The following CFB variants were observed in gnomAD, a reference collection of about 807,000 sequenced individuals.
CFB encodes B-factor, properdin.
Under a neutral mutation model 97.2 loss-of-function variants are expected in CFB, and 59 were observed. That is an observed-to-expected ratio of 0.61 (90% CI 0.49 to 0.75). The LOEUF is 0.75. Ranked by LOEUF, CFB falls within the 30% of genes least tolerant of loss-of-function variation. CFB has a pLI of 0.00. For missense variants in CFB, 771 were observed against 959.8 expected, an observed-to-expected ratio of 0.80 and a Z score of 2.60; for synonymous variants, 316 against 351.7, an observed-to-expected ratio of 0.90 and a Z score of 1.14.
chr6:31,951,501 C>T lies in CFB; in HGVS notation c.2089+28C>T. On this transcript the variant is annotated intron_variant, in intron 16 of 17. Coordinates refer to ENST00000425368, the MANE Select transcript of CFB (RefSeq NM_001710.6). This position sits in a 1 kb window ranked among gnomAD's most constrained non-coding sequence, Gnocchi z 4.3. Reference sequence around the variant, plus strand: ...GAGAGAATGCTCTTTGGTTGTGCTACAAGTGCCCAAGGCCCAACAGTCCTT... The same window carrying T: ...GAGAGAATGCTCTTTGGTTGTGCTATAAGTGCCCAAGGCCCAACAGTCCTT... 1.2e-6 allele frequency: 2 copies of T among 1,614,230 alleles called. No homozygotes were observed. Among genetic ancestry groups the T allele is most frequent in the Non-Finnish European group, 1.7e-6 (2 of 1,180,040 alleles).
rs1196164176 is a variant in CFB, at chr6:31,947,054, C to T, written c.346C>T (p.Pro116Ser). 3.7e-6 allele frequency: 6 copies of T among 1,612,890 alleles called. No homozygotes were observed. The highest frequency in any genetic ancestry group is 2.7e-5 in the African/African-American group (2 of 74,886). The change falls in exon 3 of 18, where the codon CCC (proline) becomes TCC (serine). Residue 116 changes from proline to serine, a missense_variant. By Grantham distance (74) the Pro-to-Ser change is moderately conservative. Transcript: ENST00000425368. The surrounding 1 kb of genome is among the most constrained non-coding windows in gnomAD (Gnocchi z 5.3). The stretch of plus-strand genomic sequence containing the variant: ...CGACTTCGAGAACGGGGAATACTGG[C>T]CCCGGTCTCCCTACTACAATGTGAG... The part of the protein sequence containing the change: ...PHDFENGEYW[P>S]RSPYYNVSDE...
rs921384507 is a variant in CFB at position 31,950,679 on chromosome 6, A to G, written c.1685A>G (p.Asn562Ser). The change falls in exon 13 of 18, where the codon AAT becomes AGT. Residue 562 changes from asparagine (N) to serine (S), a missense_variant. Transcript: ENST00000425368. ...VVLFHPNYNI[N>S]GKKEAGIPEF... ...CTATTTCACCCCAACTACAACATTA[A>G]TGGGAAAAAAGAAGCAGGAATTCCT... is the stretch of plus-strand genomic sequence containing the variant. 3 of 1,612,956 alleles carry G rather than the reference A, an allele frequency of 1.9e-6. No individual in the cohort carries two copies. In the African/African-American group the frequency reaches 4.0e-5, roughly 22 times the overall value.
rs759625235 is a variant in CFB, at chr6:31,947,014, C to T, written c.306C>T (p.His102=). The T allele has an allele frequency of 1.6e-5, 26 of 1,612,900 alleles. No individual in the cohort carries two copies. Among genetic ancestry groups the T allele is most frequent in the Admixed American group, 1.7e-5 (1 of 60,008 alleles). The change falls in exon 3 of 18, where the codon CAC becomes CAT. Residue 102 remains histidine, a synonymous_variant. Transcript: ENST00000425368. The surrounding 1 kb of genome is among the most constrained non-coding windows in gnomAD (Gnocchi z 5.3). Reference sequence around the variant, plus strand: ...TGTCCCCCCTTCTCAAAGCAATCCACTGTCCAAGACCACACGACTTCGAGA... The same window carrying T: ...TGTCCCCCCTTCTCAAAGCAATCCATTGTCCAAGACCACACGACTTCGAGA... ...TVRKAECRAI[H]CPRPHDFENG... is the part of the protein sequence containing the mutation.
At chr6:31,948,347 A>G (rs1487994367) in intron 6 of CFB, 27 bp from the exon 7 acceptor site, 11 of 1,614,102 alleles carry the variant, frequency 6.8e-6, no homozygotes, top group Non-Finnish European at 8.5e-6. Context: ...TTTCAATGCC[A>G]TGGCGCCTTG....
In CFB at chr6:31,947,811, A is replaced by T. The variant is rs758028930; in HGVS notation, c.728A>T (p.Glu243Val). The T allele has an allele frequency of 6.2e-7, 1 of 1,613,722 alleles. No homozygotes were observed. Among genetic ancestry groups the T allele is most frequent in the Non-Finnish European group, 8.5e-7 (1 of 1,180,024 alleles). The change falls in exon 5 of 18, where the codon GAA becomes GTA. Residue 243 changes from glutamate to valine, a missense_variant. By Grantham distance (121) the Glu-to-Val change is moderately radical. Transcript: ENST00000425368. This position sits in a 1 kb window ranked among gnomAD's most constrained non-coding sequence, Gnocchi z 5.3. ...AFLSSLTETIEGVDAEDGHGP... is the reference protein window; with the variant it reads ...AFLSSLTETIVGVDAEDGHGP... The stretch of plus-strand genomic sequence containing the variant: ...CTGTCTTCCCTGACAGAGACCATAG[A>T]AGGAGTCGATGCTGAGGATGGGCAC...
chr6:31,951,565 C>T lies in CFB; in HGVS notation c.2100C>T (p.Gly700=), dbSNP rs116928087. Residue 700 remains glycine, a synonymous_variant, in exon 17 of 18, where the codon GGC becomes GGT. Coordinates refer to ENST00000425368, the MANE Select transcript of CFB (RefSeq NM_001710.6). This position sits in a 1 kb window ranked among gnomAD's most constrained non-coding sequence, Gnocchi z 4.3. ...CTCCTCTCCTTGCAGGTGATTCTGG[C>T]GGCCCCTTGATAGTTCACAAGAGAA... The part of the protein sequence containing the change: ...ADPNTCRGDS[G]GPLIVHKRSR... The T allele has an allele frequency of 3.6e-4, 574 of 1,614,190 alleles. 2 individuals carry two copies. In the East Asian group the frequency reaches 0.012, roughly 34 times the overall value.
In CFB at chr6:31,950,613, C is replaced by A. The variant is rs781302176; in HGVS notation, c.1625-6C>A. 1.8e-5 allele frequency: 29 copies of A among 1,612,970 alleles called. No homozygotes were observed. The highest frequency in any genetic ancestry group is 2.3e-5 in the Non-Finnish European group (27 of 1,180,012). The stretch of plus-strand genomic sequence containing the variant: ...CAAAGAGGTGGTACCTACTCTCCTA[C>A]TTCAGGAGGGGAGAAGCGGGACCTG... On this transcript the variant is annotated splice_polypyrimidine_tract_variant and splice_region_variant and intron_variant, in intron 12 of 17. Transcript: ENST00000425368.
chr6:31,951,209 A>T lies in CFB; in HGVS notation c.1921A>T (p.Thr641Ser), dbSNP rs772535315. The change falls in exon 15 of 18, where the codon ACT (threonine) becomes TCT (serine). Residue 641 changes from threonine to serine, a missense_variant. By Grantham distance (58) the Thr-to-Ser change is moderately conservative (BLOSUM62 1). Coordinates refer to ENST00000425368, the MANE Select transcript of CFB (RefSeq NM_001710.6). This position sits in a 1 kb window ranked among gnomAD's most constrained non-coding sequence, Gnocchi z 4.3. ...TGTGTCTGAGGAGGAGAAAAAGCTGACTCGGAAGGAGGTCTACATCAAGAA... is the reference window on the plus strand; with the variant it reads ...TGTGTCTGAGGAGGAGAAAAAGCTGTCTCGGAAGGAGGTCTACATCAAGAA... ...LFVSEEEKKL[T>S]RKEVYIKNGD... is the part of the protein sequence containing the mutation. 1 of 1,612,994 alleles carries T rather than the reference A, an allele frequency of 6.2e-7. No homozygotes were observed.
rs769676273 is a variant in CFB, at chr6:31,949,256, G to A, written c.1182G>A (p.Met394Ile). ...TCTCTTCTGCAGGATTGCACAACAT[G>A]GGCGGGGACCCAATTACTGTCATTG... ...IILMTDGLHN[M>I]GGDPITVIDE... The change falls in exon 9 of 18, where the codon ATG becomes ATA. Residue 394 changes from methionine (M) to isoleucine (I), a missense_variant. Transcript: ENST00000425368. 17 of 1,613,968 alleles carry A rather than the reference G, an allele frequency of 1.1e-5. No individual in the cohort carries two copies. The highest frequency in any genetic ancestry group is 1.3e-5 in the Non-Finnish European group (15 of 1,180,036).
At chr6:31,948,735 T>C in intron 7 of CFB, 95 bp from the exon 8 acceptor site, 1 of 1,601,406 alleles carries the variant, frequency 6.2e-7, no homozygotes, top group Non-Finnish European at 8.5e-7. Flanking sequence ...ACTTAAAAAG[T>C]TGAAAGATGT....
rs763150579 is a variant in CFB, at chr6:31,951,358, A to G, written c.1974A>G (p.Arg658=). ...KNGDKKGSCE[R]DAQYAPGYDK... is the part of the protein sequence containing the mutation. ...CCCTACAGAAAGGCAGCTGTGAGAG[A>G]GATGCTCAATATGCCCCAGGCTATG... The change falls in exon 16 of 18, where the codon AGA becomes AGG. Residue 658 remains arginine (R), a synonymous_variant. Coordinates refer to ENST00000425368, the MANE Select transcript of CFB (RefSeq NM_001710.6). This position sits in a 1 kb window ranked among gnomAD's most constrained non-coding sequence, Gnocchi z 4.3. The G allele has an allele frequency of 2.6e-5, 42 of 1,614,004 alleles. No individual in the cohort carries two copies. Among genetic ancestry groups the G allele is most frequent in the Non-Finnish European group, 3.1e-5 (37 of 1,180,038 alleles).
Position 31,950,289 on chromosome 6 carries a change from C to T in CFB, c.1510C>T (p.Pro504Ser), listed in dbSNP as rs762059501. The change falls in exon 12 of 18, where the codon CCT becomes TCT. Residue 504 changes from proline (P) to serine (S), a missense_variant. Coordinates refer to ENST00000425368, the MANE Select transcript of CFB (RefSeq NM_001710.6). ...CTCTCTACTGTTGTGTCCCCAGCGC[C>T]CTTCAAAGGGACACGAGAGCTGTAT... The part of the protein sequence containing the change: ...PWQAKISVIR[P>S]SKGHESCMGA... The T allele has an allele frequency of 1.2e-6, 2 of 1,612,772 alleles. No homozygotes were observed. Among genetic ancestry groups the T allele is most frequent in the Non-Finnish European group, 1.7e-6 (2 of 1,179,794 alleles).
At position 31,948,900 on chromosome 6, in the gene CFB, AGATGAC is replaced by A. The variant is rs774625171; in HGVS notation, c.1109_1114del (p.Asp370_Asp371del). 1.2e-6 allele frequency: 2 copies of A among 1,613,000 alleles called. No homozygotes were observed. The highest frequency in any genetic ancestry group is 1.7e-6 in the Non-Finnish European group (2 of 1,180,022). ...CAGTGTACAGCATGATGAGCTGGCC[AGATGAC>A]GTCCCTCCTGAAGGCTGGAACCGCA... On this transcript the variant is annotated inframe_deletion, in exon 8 of 18. Transcript: ENST00000425368.
At position 31,948,080 on chromosome 6, in the gene CFB, A is replaced by T; in HGVS notation, c.896A>T (p.Lys299Met). 1 of 1,614,142 alleles carries T rather than the reference A, an allele frequency of 6.2e-7. No individual in the cohort carries two copies. The highest frequency in any genetic ancestry group is 8.5e-7 in the Non-Finnish European group (1 of 1,180,030). ...AKKCLVNLIE[K>M]VASYGVKPRY... is the part of the protein sequence containing the mutation. ...AAGTGTCTAGTCAACTTAATTGAGA[A>T]GGTGGAATCCTCCTATCCCTGAACT... The change falls in exon 6 of 18, where the codon AAG becomes ATG. Residue 299 changes from lysine to methionine, a missense_variant and splice_region_variant. Lys to Met is a moderately conservative substitution (Grantham distance 95, BLOSUM62 -1). Coordinates refer to ENST00000425368, the MANE Select transcript of CFB (RefSeq NM_001710.6).
At position 31,947,721 on chromosome 6, in the gene CFB, C is replaced by T. The variant is rs771744314; in HGVS notation, c.659-21C>T. 4 of 1,611,470 alleles carry T rather than the reference C, an allele frequency of 2.5e-6. No individual in the cohort carries two copies. The highest frequency in any genetic ancestry group is 4.5e-5 in the East Asian group (2 of 44,878). On this transcript the variant is annotated intron_variant, in intron 4 of 17. Coordinates refer to ENST00000425368, the MANE Select transcript of CFB (RefSeq NM_001710.6). This position sits in a 1 kb window ranked among gnomAD's most constrained non-coding sequence, Gnocchi z 5.3. ...ATCCCTGACACTCCCAGACATTTGA[C>T]CTCATTTCTGACTCTCCCAGACTCC...
chr6:31,950,467 T>C (rs940100675), intron 12 of CFB, 64 bp downstream of exon 12: 20 of 1,564,790 alleles, frequency 1.3e-5, no homozygotes, highest in Non-Finnish European at 1.8e-5. Flanking sequence ...TCCCACTTTC[T>C]ACAGATCCTA....
Position 31,951,315 on chromosome 6 carries a change from C to A in CFB, c.1957-26C>A, listed in dbSNP as rs1771755752. On this transcript the variant is annotated intron_variant, in intron 15 of 17. Transcript: ENST00000425368. The surrounding 1 kb of genome is among the most constrained non-coding windows in gnomAD (Gnocchi z 4.3). The stretch of plus-strand genomic sequence containing the variant: ...CCTAAGCCACTTCTGTTCATTACTT[C>A]TCCATGCTTCCCACCTCCCCTACAG... 2 of 1,614,064 alleles carry A rather than the reference C, an allele frequency of 1.2e-6. No homozygotes were observed. The highest frequency in any genetic ancestry group is 1.3e-5 in the African/African-American group (1 of 75,044).
chr6:31,947,296 C>A lies in CFB; in HGVS notation c.485-52C>A, dbSNP rs369532195. The A allele has an allele frequency of 2.6e-4, 413 of 1,611,934 alleles. No homozygotes were observed. Among genetic ancestry groups the A allele is most frequent in the Non-Finnish European group, 3.4e-4 (396 of 1,179,754 alleles). ...ACTGTAACTCTTGCTCTCTACCTTG[C>A]TCACGGGGCCTCAGGCTTCAGTGCT... On this transcript the variant is annotated intron_variant, in intron 3 of 17. Transcript: ENST00000425368. This position sits in a 1 kb window ranked among gnomAD's most constrained non-coding sequence, Gnocchi z 5.3.
In CFB at chr6:31,947,585, A is replaced by C; in HGVS notation, c.658+64A>C. 1 of 1,602,042 alleles carries C rather than the reference A, an allele frequency of 6.2e-7. No individual in the cohort carries two copies. Among genetic ancestry groups the C allele is most frequent in the South Asian group, 1.1e-5 (1 of 90,840 alleles). On this transcript the variant is annotated intron_variant, in intron 4 of 17. Coordinates refer to ENST00000425368, the MANE Select transcript of CFB (RefSeq NM_001710.6). The surrounding 1 kb of genome is among the most constrained non-coding windows in gnomAD (Gnocchi z 5.3). ...TTCCATCCTACTGTCTTCTCTCCCC[A>C]CCTCAACCCTGCTCTTTCCTCACTT...
Sources: gnomAD v4.1 joint callset for allele counts on GRCh38, gnomAD v4.1.1 for gene constraint, Gnocchi (gnomAD v3.1) non-coding constraint, MANE v1.5 for transcripts, NCBI Gene and HGNC (gene_info 2026-07-23, HGNC 2026-07-21) for gene names.